The following DIDO1 variants were observed in gnomAD, a reference collection of about 807,000 sequenced individuals.
DIDO1 encodes death-inducer obliterator 1.
In DIDO1, 16 loss-of-function variants were observed where a neutral mutation model predicts 99.4. The ratio of observed to expected loss-of-function variants is 0.16; its 90% CI spans 0.11 to 0.24. DIDO1 has a LOEUF of 0.24. DIDO1 is among the 10% of genes least tolerant of loss of function. The probability of loss-of-function intolerance (pLI) is 1.00; values close to 1 mark genes in which losing one functional copy is unlikely to be tolerated. For missense variants in DIDO1, 2,996 were observed against 3,014.0 expected, an observed-to-expected ratio of 0.99 and a Z score of 0.14; for synonymous variants, 1,366 against 1,239.1, an observed-to-expected ratio of 1.10 and a Z score of -2.15.
In DIDO1 at chr20:62,896,429, T is replaced by C. The variant is rs1182064868; in HGVS notation, c.2055-37A>G. On this transcript the variant is annotated intron_variant, in intron 7 of 15. Transcript: ENST00000395343. This position sits in a 1 kb window ranked among gnomAD's most constrained non-coding sequence, Gnocchi z 4.4. ...AAAAAAAAGGAACTACATAAGACAC[T>C]TGTGTATATTAAACTTTTTGAACAG... 1.9e-6 allele frequency: 3 copies of C among 1,597,190 alleles called. No homozygotes were observed. In the East Asian group the frequency reaches 6.7e-5, roughly 36 times the overall value.
intron 3 of DIDO1, 96 bp downstream of exon 3, chr20:62,910,678 T>C (rs2064912461): frequency 1.5e-6 from 2 of 1,370,334 alleles, no homozygotes; most frequent in African/African-American, 1.5e-5. Context: ...AACAAATCGC[T>C]CATCCAGCCC....
Position 62,880,139 on chromosome 20 carries a change from G to A in DIDO1, c.5817C>T (p.Gly1939=), listed in dbSNP as rs1337753048. Residue 1939 remains glycine, a synonymous_variant, in exon 16 of 16, where the codon GGC becomes GGT. Coordinates refer to ENST00000395343, the MANE Select transcript of DIDO1 (RefSeq NM_001193369.2). ...GTCCTTCAAACTGGTTGGGATGAGG[G>A]CCCCGGGCAGTTTCAAACTGACTAG... ...PHPSQFETAR[G]PHPNQFEGPR... 3.7e-6 allele frequency: 6 copies of A among 1,612,544 alleles called. No individual in the cohort carries two copies. The South Asian group carries it at 5.5e-5, about 15-fold the overall frequency.
At position 62,879,730 on chromosome 20, in the gene DIDO1, G is replaced by A; in HGVS notation, c.6226C>T (p.His2076Tyr). The A allele has an allele frequency of 6.2e-7, 1 of 1,611,694 alleles. No individual in the cohort carries two copies. Among genetic ancestry groups the A allele is most frequent in the Non-Finnish European group, 8.5e-7 (1 of 1,179,820 alleles). ...ASADFREGKG[H>Y]EYRNQTFEGR... ...TCGAAAGTCTGGTTTCTGTATTCGT[G>A]GCCTTTCCCCTCTCGGAAGTCGGCC... Residue 2076 changes from histidine to tyrosine, a missense_variant, in exon 16 of 16, where the codon CAC becomes TAC. By Grantham distance (83) the His-to-Tyr change is moderately conservative. Around this residue, in one of 5 missense-constraint regions of DIDO1, gnomAD observed 1,562 missense variants for 1,412.6 expected, o/e 1.11. Transcript: ENST00000395343. This position sits in a 1 kb window ranked among gnomAD's most constrained non-coding sequence, Gnocchi z 6.3.
intron 1 of DIDO1, among the ~76,000 whole-genome samples, chr20:62,923,725 G>A (rs1036158548): frequency 6.6e-6 from 1 of 152,022 alleles, no homozygotes; most frequent in Non-Finnish European, 1.5e-5. Flanking sequence ...AACACATTAA[G>A]GTATCTTCAT....
At position 62,880,790 on chromosome 20, in the gene DIDO1, G is replaced by C. The variant is rs939987668; in HGVS notation, c.5166C>G (p.Asp1722Glu). 4 of 1,612,408 alleles carry C rather than the reference G, an allele frequency of 2.5e-6. No homozygotes were observed. In the African/African-American group the frequency reaches 5.3e-5, roughly 22 times the overall value. ...CGCCGGGTCTGGCCTGTGGCTCTCT[G>C]TCCCCCTCTGTTTCACCTGCAGGGC... ...SSSPAGETEG[D>E]REPQARPGEG... Residue 1722 changes from aspartate (D) to glutamate (E), a missense_variant, in exon 16 of 16, where the codon GAC (aspartate) becomes GAG (glutamate). Coordinates refer to ENST00000395343, the MANE Select transcript of DIDO1 (RefSeq NM_001193369.2).
At position 62,879,207 on chromosome 20, in the gene DIDO1, A is replaced by G; in HGVS notation, c.*26T>C. 6.8e-7 allele frequency: 1 copy of G among 1,460,096 alleles called. No homozygotes were observed. Among genetic ancestry groups the G allele is most frequent in the Non-Finnish European group, 9.0e-7 (1 of 1,111,408 alleles). The allele number at this position is 1,460,096 out of a possible 1,614,324, so 90.4% of individuals were successfully genotyped here. A position where few individuals can be genotyped will look rare whatever the true frequency, so the allele number is the denominator to read the frequency against. The stretch of plus-strand genomic sequence containing the variant: ...ACGCATCTTACGAACGTGGCTTTAA[A>G]AAGGGTCTCTGCCCGGCCGGGGCGT... On this transcript the variant is annotated 3_prime_UTR_variant, in exon 16 of 16. Transcript: ENST00000395343. The surrounding 1 kb of genome is among the most constrained non-coding windows in gnomAD (Gnocchi z 6.3).
intron 1 of DIDO1, among the ~76,000 whole-genome samples, chr20:62,918,442 A>G (rs947016450): frequency 4.6e-5 from 7 of 152,236 alleles, no homozygotes; most frequent in Non-Finnish European, 8.8e-5. Context: ...GCTCCCACCT[A>G]AAGATTTTCA....
chr20:62,890,632 G>A, intron 15 of DIDO1: 1 of 1,204,884 alleles, frequency 8.3e-7, no homozygotes, highest in South Asian at 2.0e-5. Context: ...GGGCCGCTGG[G>A]AGTGTCACCT....
chr20:62,891,248 C>G, intron 14 of DIDO1, 93 bp from the exon 15 acceptor site: 1 of 1,556,026 alleles, frequency 6.4e-7, no homozygotes. Flanking sequence ...GAAACCTTGT[C>G]AGATCTCTCC....
In DIDO1 at chr20:62,909,848, C is replaced by G. The variant is rs746089476; in HGVS notation, c.1012G>C (p.Ala338Pro). Residue 338 changes from alanine (A) to proline (P), a missense_variant, in exon 4 of 16, where the codon GCT becomes CCT. Transcript: ENST00000395343. Reference sequence around the variant, plus strand: ...TCAGCATCTCCAGGTCTCCATTTAGCTTCCTGCTGATCTGCCGTTTCTGAA... The same window carrying G: ...TCAGCATCTCCAGGTCTCCATTTAGGTTCCTGCTGATCTGCCGTTTCTGAA... ...THSETADQQE[A>P]KWRPGDADGT... 4.3e-6 allele frequency: 7 copies of G among 1,614,242 alleles called. No individual in the cohort carries two copies. Among genetic ancestry groups the G allele is most frequent in the Non-Finnish European group, 5.1e-6 (6 of 1,180,044 alleles).
intron 6 of DIDO1, among the ~76,000 whole-genome samples, chr20:62,901,006 G>A (rs1293269396): frequency 6.6e-6 from 1 of 152,240 alleles, no homozygotes; most frequent in Non-Finnish European, 1.5e-5. Flanking sequence ...ATTGCCCCTA[G>A]TGGGAACAAT....
intron 6 of DIDO1, 86 bp downstream of exon 6, chr20:62,905,801 A>C (rs1275538357): frequency 6.2e-7 from 1 of 1,613,224 alleles, no homozygotes; most frequent in African/African-American, 1.3e-5. Context: ...ACAAAGCTGC[A>C]ACTCCCAGTC....
In DIDO1 at chr20:62,893,860, C is replaced by G. The variant is rs765935447; in HGVS notation, c.2907G>C (p.Arg969Ser). 7 of 1,613,504 alleles carry G rather than the reference C, an allele frequency of 4.3e-6. No homozygotes were observed. Among genetic ancestry groups the G allele is most frequent in the Non-Finnish European group, 4.2e-6 (5 of 1,179,684 alleles). Residue 969 changes from arginine to serine, a missense_variant, in exon 12 of 16, where the codon AGG becomes AGC. Arg to Ser is a moderately radical substitution (Grantham distance 110). Coordinates refer to ENST00000395343, the MANE Select transcript of DIDO1 (RefSeq NM_001193369.2). ...TTVTVSGRDPRTAPSSSCTAV... is the reference protein window; with the variant it reads ...TTVTVSGRDPSTAPSSSCTAV... Reference sequence around the variant, plus strand: ...CTGTGCATGAACTGCTTGGAGCGGTCCTGGGGTCCCGGCCGGACACTGTGA... The same window carrying G: ...CTGTGCATGAACTGCTTGGAGCGGTGCTGGGGTCCCGGCCGGACACTGTGA...
Position 62,916,366 on chromosome 20 carries a change from A to T in DIDO1, c.-199-1960T>A, listed in dbSNP as rs2065037665. Among the ~76,000 whole-genome samples the T allele has an allele frequency of 2.0e-5, 3 of 152,228 alleles. No individual in the cohort carries two copies. The South Asian group carries it at 6.2e-4, about 31-fold the overall frequency. Reference sequence around the variant, plus strand: ...GCTTCATTTTCTATTGACTAGAAGCAGCTGATGAGCGGCGATTCAAGCAGA... The same window carrying T: ...GCTTCATTTTCTATTGACTAGAAGCTGCTGATGAGCGGCGATTCAAGCAGA... On this transcript the variant is annotated intron_variant, in intron 1 of 15. Transcript: ENST00000395343.
intron 1 of DIDO1, among the ~76,000 whole-genome samples, chr20:62,934,949 C>T (rs1401882174): frequency 1.3e-5 from 2 of 152,248 alleles, no homozygotes; most frequent in African/African-American, 4.8e-5. Flanking sequence ...GCATTCTGGA[C>T]TTGATCCACT....
intron 6 of DIDO1, among the ~76,000 whole-genome samples, chr20:62,902,334 A>G (rs1222487322): frequency 6.6e-6 from 1 of 152,230 alleles, no homozygotes; most frequent in Non-Finnish European, 1.5e-5. Flanking sequence ...ATAACGTAAA[A>G]AAACAACTAT....
chr20:62,889,411 G>A, intron 15 of DIDO1: 1 of 985,444 alleles, frequency 1.0e-6, no homozygotes, highest in Non-Finnish European at 1.2e-6. Context: ...GATGAGCAGG[G>A]AGAGAAGCTC....
At chr20:62,892,659 T>G in intron 13 of DIDO1, 150 bp downstream of exon 13, 19 of 1,132,636 alleles carry the variant, frequency 1.7e-5, no homozygotes, top group Admixed American at 5.7e-5. Context: ...TTAGAGCCGT[T>G]TCTGCATCCA....
upstream of DIDO1, chr20:62,929,272 C>T (rs1056056750): frequency 6.6e-6 from 1 of 152,188 alleles, no homozygotes; most frequent in African/African-American, 2.4e-5. Context: ...AGGACAGGGC[C>T]CCCGCCGAGG....
Sources: allele counts gnomAD v4.1 joint callset (sites outside exome capture counted in the v4.1 genomes callset), GRCh38; gene constraint gnomAD v4.1.1; regional missense constraint gnomAD v4.1.1; non-coding constraint Gnocchi (gnomAD v3.1); transcripts MANE v1.5; gene names NCBI Gene and HGNC (gene_info 2026-07-23, HGNC 2026-07-21).